Variants in CIT observed in about 807,000 individuals in gnomAD.
CIT encodes citron rho-interacting serine/threonine kinase.
In CIT, 79 loss-of-function variants were observed where a neutral mutation model predicts 272.7. The ratio of observed to expected loss-of-function variants is 0.29; its 90% confidence interval spans 0.24 to 0.35. The LOEUF is 0.35. CIT is among the 10% of genes least tolerant of loss of function. The pLI is 1.00. For missense variants in CIT, 1,909 were observed against 2,618.3 expected (o/e 0.73, Z 5.91); for synonymous variants, 948 against 995.6 (o/e 0.95, Z 0.90).
Position 119,714,107 on chromosome 12 carries a change from T to C in CIT, c.4306+90A>G. 4 of 1,474,316 alleles carry C rather than the reference T, an allele frequency of 2.7e-6. No individual in the cohort carries two copies. The South Asian group carries it at 3.7e-5, about 14-fold the overall frequency. 91.3% of individuals were successfully genotyped at this position (1,474,316 alleles called of 1,614,324 possible). ...GCTCGAAAATGAATGCACTATATGA[T>C]GAGTTAGAAAAAAATCACCTCCACC... is the stretch of plus-strand genomic sequence containing the variant. On this transcript the variant is annotated intron_variant, in intron 33 of 47. Transcript: ENST00000392521.
intron 2 of CIT, among the ~76,000 whole-genome samples, chr12:119,873,927 AT>A (rs1204844262): frequency 6.6e-6 from 1 of 152,222 alleles, no homozygotes; most frequent in East Asian, 1.9e-4. Flanking sequence ...AGTATTAACA[AT>A]AATTACCATT....
At chr12:119,789,377 T>C (rs1965103234) in intron 10 of CIT, among the ~76,000 whole-genome samples, 1 of 152,192 alleles carries the variant, frequency 6.6e-6, no homozygotes, top group South Asian at 2.1e-4. Context: ...AGAACCCAAT[T>C]TTGAAATTAA....
chr12:119,818,027 A>G (rs1355832396), intron 9 of CIT, among the ~76,000 whole-genome samples: 1 of 152,228 alleles, frequency 6.6e-6, no homozygotes, highest in Non-Finnish European at 1.5e-5. Flanking sequence ...AAATATTATT[A>G]CTAATAACAA....
chr12:119,805,367 A>G (rs1490587114), intron 9 of CIT, among the ~76,000 whole-genome samples: 1 of 152,234 alleles, frequency 6.6e-6, no homozygotes, highest in African/African-American at 2.4e-5. Context: ...AGGTTTAAAT[A>G]AAATAATCCA....
rs757476264 is a variant in CIT, at chr12:119,720,472, A to G, written c.3840+6T>C. The G allele has an allele frequency of 3.1e-6, 5 of 1,597,530 alleles. No homozygotes were observed. The highest frequency in any genetic ancestry group is 8.6e-7 in the Non-Finnish European group (1 of 1,169,164). ...CAATTCCCACTTTTCAAACACTTTG[A>G]CTCACCTTTTTCTTTTTAGCAGGTT... On this transcript the variant is annotated splice_donor_region_variant and intron_variant, in intron 30 of 47. Coordinates refer to ENST00000392521, the MANE Select transcript of CIT (RefSeq NM_001206999.2).
rs1461527565 is a variant in CIT, at chr12:119,686,977, T to C, written c.*1255A>G. 2.0e-5 allele frequency: 3 copies of C among 152,668 alleles called. No individual in the cohort carries two copies. Among genetic ancestry groups the C allele is most frequent in the Non-Finnish European group, 4.4e-5 (3 of 68,074 alleles). The allele number at this position is 152,668 out of a possible 1,614,324, so 9.5% of individuals were successfully genotyped here. On this transcript the variant is annotated 3_prime_UTR_variant, in exon 48 of 48. Coordinates refer to ENST00000392521, the MANE Select transcript of CIT (RefSeq NM_001206999.2). Reference sequence around the variant, plus strand: ...TTTCGTGGGGTAGAACCGCGCTGGATTGGGTGTGAACAGAGTCATCCTCTG... The same window carrying C: ...TTTCGTGGGGTAGAACCGCGCTGGACTGGGTGTGAACAGAGTCATCCTCTG...
At chr12:119,829,207 G>A (rs1249206422) in intron 7 of CIT, among the ~76,000 whole-genome samples, 2 of 151,908 alleles carry the variant, frequency 1.3e-5, no homozygotes, top group East Asian at 2.0e-4. Context: ...GCATGGTGGC[G>A]GGCACCTGTA....
Position 119,803,362 on chromosome 12 carries a change from T to A in CIT, c.1139A>T (p.Lys380Met). 1 of 1,587,282 alleles carries A rather than the reference T, an allele frequency of 6.3e-7. No individual in the cohort carries two copies. Among genetic ancestry groups the A allele is most frequent in the Non-Finnish European group, 8.5e-7 (1 of 1,170,060 alleles). ...NSPPPFVPTL[K>M]SDDDTSNFDE... ...AAAATTGGAGGTGTCATCGTCAGAC[T>A]TGAGGGTGGGAACGAAGGGGGGAGG... The change falls in exon 10 of 48, where the codon AAG becomes ATG. Residue 380 changes from lysine to methionine, a missense_variant. Lys to Met is a moderately conservative substitution (Grantham distance 95, BLOSUM62 -1). Transcript: ENST00000392521.
chr12:119,739,490 G>A (rs1033229482), intron 24 of CIT, among the ~76,000 whole-genome samples: 1 of 152,074 alleles, frequency 6.6e-6, no homozygotes, highest in Non-Finnish European at 1.5e-5. Context: ...AGAAAGAAAG[G>A]AACCTCCAAC....
At position 119,694,350 on chromosome 12, in the gene CIT, A is replaced by C. The variant is rs188521528; in HGVS notation, c.5882+3309T>G. On this transcript the variant is annotated intron_variant, in intron 46 of 47. Transcript: ENST00000392521. This position sits in a 1 kb window ranked among gnomAD's most constrained non-coding sequence, Gnocchi z 4.5. The stretch of plus-strand genomic sequence containing the variant: ...AGACAACTCGAACAGCCATTAATGA[A>C]GAAGCAGTTAAACCAATTAAGGTAC... Among the ~76,000 whole-genome samples, 2,367 of 152,350 alleles carry C rather than the reference A, an allele frequency of 0.016. 54 individuals carry two copies. Among genetic ancestry groups the C allele is most frequent in the African/African-American group, 0.053 (2,187 of 41,564 alleles).
At chr12:119,837,803 C>T (rs1364831569) in intron 5 of CIT, among the ~76,000 whole-genome samples, 4 of 152,216 alleles carry the variant, frequency 2.6e-5, no homozygotes, top group East Asian at 3.9e-4. Flanking sequence ...GGCATGTTGG[C>T]TCATGCCTAT....
chr12:119,788,123 C>T (rs1824635134), intron 10 of CIT, among the ~76,000 whole-genome samples: 1 of 152,186 alleles, frequency 6.6e-6, no homozygotes, highest in African/African-American at 2.4e-5. Flanking sequence ...TAGAAATGGG[C>T]AACAGGGATT....
At chr12:119,874,594 G>A (rs541173336) in intron 2 of CIT, among the ~76,000 whole-genome samples, 19 of 152,254 alleles carry the variant, frequency 1.2e-4, no homozygotes, top group South Asian at 4.1e-4. Context: ...AAGTTTTAAC[G>A]CATCTGGGGT....
chr12:119,825,205 C>A lies in CIT; in HGVS notation c.917G>T (p.Gly306Val). The A allele has an allele frequency of 1.2e-6, 2 of 1,613,994 alleles. No individual in the cohort carries two copies. Among genetic ancestry groups the A allele is most frequent in the Non-Finnish European group, 1.7e-6 (2 of 1,179,954 alleles). Residue 306 changes from glycine (G) to valine (V), a missense_variant, in exon 8 of 48, where the codon GGA becomes GTA. By Grantham distance (109) the Gly-to-Val change is moderately radical. Transcript: ENST00000392521. ...MIYGRSPFAE[G>V]TSARTFNNIM... is the part of the protein sequence containing the mutation. ...GTTATTGAAGGTTCTGGCAGAGGTT[C>A]CCTCTGCGAAGGGGGATCTCCCATA...
intron 18 of CIT, 78 bp from the exon 19 acceptor site, chr12:119,767,260 A>C: frequency 8.7e-7 from 1 of 1,146,522 alleles, no homozygotes; most frequent in African/African-American, 1.5e-5. Flanking sequence ...CACAGGAAAC[A>C]TGACTTTGGT....
Position 119,708,359 on chromosome 12 carries a change from G to A in CIT, c.5072-41C>T, listed in dbSNP as rs79581232. 0.021 allele frequency: 30,613 copies of A among 1,473,866 alleles called. 425 individuals carry two copies. Among genetic ancestry groups the A allele is most frequent in the African/African-American group, 0.049 (3,427 of 70,280 alleles). The allele number at this position is 1,473,866 out of a possible 1,614,324, so 91.3% of individuals were successfully genotyped here. Reference sequence around the variant, plus strand: ...AACAACCTCTCGTCAGTGTGAAGCCGTTAAGTAAAGGTACGGGATGGTGGT... The same window carrying A: ...AACAACCTCTCGTCAGTGTGAAGCCATTAAGTAAAGGTACGGGATGGTGGT... On this transcript the variant is annotated intron_variant, in intron 39 of 47. Transcript: ENST00000392521.
chr12:119,733,411 G>A (rs1310208561), intron 26 of CIT, among the ~76,000 whole-genome samples: 2 of 148,646 alleles, frequency 1.3e-5, no homozygotes, highest in African/African-American at 4.9e-5. Flanking sequence ...GTGCACACCT[G>A]TATTCCCAGC....
At chr12:119,785,180 G>T in intron 10 of CIT, 115 bp from the exon 11 acceptor site, 2 of 1,087,954 alleles carry the variant, frequency 1.8e-6, no homozygotes, top group Non-Finnish European at 2.6e-6. Context: ...TTGATGTTAG[G>T]TCAAATAATG....
chr12:119,770,875 T>G lies in CIT; in HGVS notation c.2118A>C (p.Arg706Ser). 6.2e-7 allele frequency: 1 copy of G among 1,612,870 alleles called. No homozygotes were observed. The highest frequency in any genetic ancestry group is 8.5e-7 in the Non-Finnish European group (1 of 1,179,864). Residue 706 changes from arginine (R) to serine (S), a missense_variant, in exon 18 of 48, where the codon AGA (arginine) becomes AGC (serine). Transcript: ENST00000392521. This position sits in a 1 kb window ranked among gnomAD's most constrained non-coding sequence, Gnocchi z 4.4. The part of the protein sequence containing the change: ...RRHSLENKVK[R>S]LETMERRENR... ...TTTCTCTACGCTCCATGGTCTCTAG[T>G]CTCTTTACCTTGTTCTCCAGAGAAT...
Sources: gnomAD v4.1 joint callset for allele counts (sites outside exome capture counted in the v4.1 genomes callset) on GRCh38, gnomAD v4.1.1 for gene constraint, Gnocchi (gnomAD v3.1) non-coding constraint, MANE v1.5 for transcripts, NCBI Gene and HGNC (gene_info 2026-07-23, HGNC 2026-07-21) for gene names.